AKT2: variants seen among roughly 807,000 people sequenced by gnomAD.
The protein encoded by AKT2 is AKT serine/threonine kinase 2.
Under a neutral mutation model 58.6 loss-of-function variants are expected in AKT2, and 16 were observed. The ratio of observed to expected loss-of-function variants is 0.27; its 90% CI spans 0.18 to 0.41. The LOEUF (loss-of-function observed/expected upper bound fraction) is 0.41, where lower values mean the gene tolerates loss of function less well. AKT2 is among the 10% of genes least tolerant of loss of function. The pLI, the probability that AKT2 is intolerant of heterozygous loss-of-function variation, is 1.00. For missense variants in AKT2, 438 were observed against 661.0 expected (o/e 0.66, Z 3.70); for synonymous variants, 253 against 254.0 (o/e 1.00, Z 0.04).
intron 1 of AKT2, among the ~76,000 whole-genome samples, chr19:40,267,944 A>C (rs955785162): frequency 1.3e-4 from 1 of 7,964 alleles, no homozygotes; most frequent in Non-Finnish European, 2.1e-4. Context: ...TGAGGGAGTG[A>C]GCTGTGTAAC....
At chr19:40,281,915 T>C (rs193192376) in intron 1 of AKT2, among the ~76,000 whole-genome samples, 2 of 152,244 alleles carry the variant, frequency 1.3e-5, no homozygotes, top group East Asian at 1.9e-4. Context: ...AATAATCCTA[T>C]CAGGTGGGAA....
chr19:40,235,091 A>G lies in AKT2; in HGVS notation c.1320T>C (p.Asp440=), dbSNP rs777026774. Residue 440 remains aspartate, a synonymous_variant, in exon 13 of 14, where the codon GAT becomes GAC. Coordinates refer to ENST00000392038, the MANE Select transcript of AKT2 (RefSeq NM_001626.6). This position sits in a 1 kb window ranked among gnomAD's most constrained non-coding sequence, Gnocchi z 6.3. ...VTSEVDTRYF[D]DEFTAQSITI... ...TGATGGACTGGGCGGTAAATTCATC[A>G]TCGAAGTACCTTGTGTCGACCTCGG... 1.9e-6 allele frequency: 3 copies of G among 1,614,166 alleles called. No homozygotes were observed. Among genetic ancestry groups the G allele is most frequent in the Non-Finnish European group, 8.5e-7 (1 of 1,180,020 alleles).
At chr19:40,250,607 C>T (rs897903436) in intron 4 of AKT2, among the ~76,000 whole-genome samples, 7 of 152,110 alleles carry the variant, frequency 4.6e-5, no homozygotes, top group African/African-American at 1.7e-4. Flanking sequence ...ATGGGCAGAT[C>T]ACTTGAGCCC....
At chr19:40,281,719 G>A (rs1365942522) in intron 1 of AKT2, among the ~76,000 whole-genome samples, 1 of 152,184 alleles carries the variant, frequency 6.6e-6, no homozygotes, top group South Asian at 2.1e-4. Context: ...TCTCTGACAC[G>A]GTTCTGTGAA....
chr19:40,231,127 C>CT lies in AKT2; in HGVS notation c.*2744dup, dbSNP rs1973681526. ...TATTTGGTAAGATTTTATTAAGACTCTAAGTTCAAACACCCTTCTTGGGAA... is the reference window on the plus strand; with the variant it reads ...TATTTGGTAAGATTTTATTAAGACTCTTAAGTTCAAACACCCTTCTTGGGAA... On this transcript the variant is annotated 3_prime_UTR_variant, in exon 14 of 14. Coordinates refer to ENST00000392038, the MANE Select transcript of AKT2 (RefSeq NM_001626.6). The CT allele has an allele frequency of 1.3e-5, 3 of 230,334 alleles. No individual in the cohort carries two copies. The highest frequency in any genetic ancestry group is 2.2e-5 in the African/African-American group (1 of 45,246). 14.3% of individuals were successfully genotyped at this position (230,334 alleles called of 1,614,324 possible).
At chr19:40,264,167 G>A (rs796201993) in intron 2 of AKT2, among the ~76,000 whole-genome samples, 4 of 152,178 alleles carry the variant, frequency 2.6e-5, no homozygotes, top group Non-Finnish European at 5.9e-5. Flanking sequence ...CTGAATGAAT[G>A]CAAGTGCACA....
chr19:40,254,593 C>T (rs1015834994), intron 4 of AKT2, among the ~76,000 whole-genome samples: 2 of 151,592 alleles, frequency 1.3e-5, no homozygotes, highest in Non-Finnish European at 1.5e-5. Flanking sequence ...TTTGGGAGGC[C>T]GAGGCAGGCG....
At chr19:40,266,682 T>C (rs993464452) in intron 1 of AKT2, among the ~76,000 whole-genome samples, 1 of 152,152 alleles carries the variant, frequency 6.6e-6, no homozygotes, top group Non-Finnish European at 1.5e-5. Context: ...CAATGGCTCA[T>C]GTCTGTAATC....
intron 1 of AKT2, among the ~76,000 whole-genome samples, chr19:40,277,956 G>A (rs761318088): frequency 6.6e-6 from 1 of 152,246 alleles, no homozygotes; most frequent in South Asian, 2.1e-4. Flanking sequence ...GGGCAGTGGG[G>A]AGGGGGTGCC....
chr19:40,260,347 C>T lies in AKT2; in HGVS notation c.47-3293G>A, dbSNP rs528978164. On this transcript the variant is annotated intron_variant, in intron 2 of 13. Transcript: ENST00000392038. Reference sequence around the variant, plus strand: ...AAGTTAAATATAGAATATATCACCCCGAGGCCGGGCTTGGTGGCTCACGCC... The same window carrying T: ...AAGTTAAATATAGAATATATCACCCTGAGGCCGGGCTTGGTGGCTCACGCC... Among the ~76,000 whole-genome samples the T allele has an allele frequency of 4.0e-5, 6 of 150,704 alleles. 1 individual carries two copies. The South Asian group carries it at 1.1e-3, about 27-fold the overall frequency.
At chr19:40,248,431 C>T (rs1377513154) in intron 4 of AKT2, among the ~76,000 whole-genome samples, 2 of 152,184 alleles carry the variant, frequency 1.3e-5, no homozygotes, top group East Asian at 3.9e-4. Flanking sequence ...GTAGAAGCTC[C>T]AAGGCGGGGG....
At chr19:40,252,950 C>T (rs959507165) in intron 4 of AKT2, among the ~76,000 whole-genome samples, 1 of 152,146 alleles carries the variant, frequency 6.6e-6, no homozygotes, top group African/African-American at 2.4e-5. Context: ...TTGTTCCCCT[C>T]AGTGGGGCAA....
intron 3 of AKT2, among the ~76,000 whole-genome samples, chr19:40,255,568 G>A (rs927579456): frequency 1.3e-5 from 2 of 152,196 alleles, no homozygotes; most frequent in Non-Finnish European, 2.9e-5. Context: ...GGGGGGTTGG[G>A]GGGCTTCCCA....
At position 40,234,805 on chromosome 19, in the gene AKT2, C is replaced by T. The variant is rs1358156204; in HGVS notation, c.1366+240G>A. The T allele has an allele frequency of 1.6e-6, 1 of 624,134 alleles. No homozygotes were observed. Among genetic ancestry groups the T allele is most frequent in the Non-Finnish European group, 2.9e-6 (1 of 349,130 alleles). The allele number at this position is 624,134 out of a possible 1,614,324, so 38.7% of individuals were successfully genotyped here. Reference sequence around the variant, plus strand: ...AACCCAGCCAGGCTCAGGGACCGGGCTGCCTCCTGCCCTGAGCCCCCCGAC... The same window carrying T: ...AACCCAGCCAGGCTCAGGGACCGGGTTGCCTCCTGCCCTGAGCCCCCCGAC... On this transcript the variant is annotated intron_variant, in intron 13 of 13. Transcript: ENST00000392038. The surrounding 1 kb of genome is among the most constrained non-coding windows in gnomAD (Gnocchi z 4.7).
At chr19:40,255,861 T>C (rs1221548481) in intron 3 of AKT2, among the ~76,000 whole-genome samples, 1 of 152,132 alleles carries the variant, frequency 6.6e-6, no homozygotes, top group African/African-American at 2.4e-5. Flanking sequence ...AGACTGAGAA[T>C]GATCCCTCTG....
At chr19:40,253,982 TAAA>T (rs756229908) in intron 4 of AKT2, among the ~76,000 whole-genome samples, 3 of 133,962 alleles carry the variant, frequency 2.2e-5, no homozygotes, top group Non-Finnish European at 4.9e-5. Context: ...CTTTTGTATT[TAAA>T]AAAAAAAAAA....
chr19:40,239,941 G>T, intron 7 of AKT2, 104 bp downstream of exon 7: 1 of 1,417,168 alleles, frequency 7.1e-7, no homozygotes, highest in Non-Finnish European at 1.0e-6. Context: ...CTGCCCGCCT[G>T]GCCTACCCCA....
intron 1 of AKT2, among the ~76,000 whole-genome samples, chr19:40,278,697 G>A (rs1358898879): frequency 6.6e-6 from 1 of 152,006 alleles, no homozygotes; most frequent in Non-Finnish European, 1.5e-5. Context: ...CCTCAGTCCT[G>A]TCTGGCAATC....
At chr19:40,265,201 C>CG (rs1568560686) in intron 2 of AKT2, 21 bp downstream of exon 2, 1 of 1,610,484 alleles carries the variant, frequency 6.2e-7, no homozygotes, top group Non-Finnish European at 8.5e-7. Context: ...AAGAATCTGG[C>CG]GGGCAAAAGC....
Sources: gnomAD v4.1 joint callset for allele counts (sites outside exome capture counted in the v4.1 genomes callset) on GRCh38, gnomAD v4.1.1 for gene constraint, Gnocchi (gnomAD v3.1) non-coding constraint, MANE v1.5 for transcripts, NCBI Gene and HGNC (gene_info 2026-07-23, HGNC 2026-07-21) for gene names.